CUBN: variants seen among roughly 807,000 people sequenced by gnomAD.
CUBN encodes the protein 460 kDa receptor.
CUBN carries 282 observed loss-of-function variants against 405.3 expected under a neutral mutation model. That is an observed-to-expected ratio of 0.70 (90% CI 0.63 to 0.77). CUBN has a LOEUF of 0.77. Among genes scored for constraint, CUBN ranks in the 30% least tolerant of loss-of-function variants. CUBN has a pLI of 0.00. For missense variants in CUBN, 4,514 were observed against 4,475.2 expected, an observed-to-expected ratio of 1.01 and a Z score of -0.25; for synonymous variants, 1,684 against 1,617.0, an observed-to-expected ratio of 1.04 and a Z score of -0.99.
At chr10:16,849,225 C>T (rs1244653675) in intron 60 of CUBN, among the ~76,000 whole-genome samples, 1 of 152,046 alleles carries the variant, frequency 6.6e-6, no homozygotes, top group East Asian at 1.9e-4. Flanking sequence ...ATCCCCCTGC[C>T]CCTTGACTTC....
chr10:17,098,899 AT>A (rs1213540262), intron 14 of CUBN, among the ~76,000 whole-genome samples: 1 of 152,204 alleles, frequency 6.6e-6, no homozygotes, highest in East Asian at 1.9e-4. Context: ...CATTGCCAGG[AT>A]AAATGAAAAG....
At chr10:17,051,645 C>G (rs1835270406) in intron 22 of CUBN, among the ~76,000 whole-genome samples, 1 of 151,756 alleles carries the variant, frequency 6.6e-6, no homozygotes, top group South Asian at 2.1e-4. Flanking sequence ...TAAAATTACA[C>G]TAATTCAAAT....
intron 62 of CUBN, 91 bp from the exon 63 acceptor site, chr10:16,836,473 G>A: frequency 2.4e-6 from 3 of 1,238,968 alleles, no homozygotes; most frequent in Non-Finnish European, 3.6e-6. Flanking sequence ...AAAGCATGGT[G>A]TAAATATTTA....
intron 14 of CUBN, among the ~76,000 whole-genome samples, chr10:17,097,697 T>C (rs945249440): frequency 6.6e-6 from 1 of 152,160 alleles, no homozygotes; most frequent in South Asian, 2.1e-4. Flanking sequence ...ATTTGATGAA[T>C]GCAAAGTTGA....
Position 17,041,187 on chromosome 10 carries a change from TA to T in CUBN, c.3862del (p.Tyr1288MetfsTer4). On this transcript the variant is annotated frameshift_variant, in exon 27 of 67. Coordinates refer to ENST00000377833, the MANE Select transcript of CUBN (RefSeq NM_001081.4). LOFTEE classifies it high-confidence loss of function. ...ATACCCTATACTCTCTAAGATGCCA[TA>T]GGTTTGATTGACTATTACCACATTC... is the stretch of plus-strand genomic sequence containing the variant. ...CENVVIVNQT[Y>X]GILESIGYPN... The T allele has an allele frequency of 6.2e-7, 1 of 1,613,742 alleles. No individual in the cohort carries two copies. The highest frequency in any genetic ancestry group is 8.5e-7 in the Non-Finnish European group (1 of 1,179,714).
At chr10:16,943,060 C>A (rs908749191) in intron 36 of CUBN, among the ~76,000 whole-genome samples, 1 of 152,168 alleles carries the variant, frequency 6.6e-6, no homozygotes, top group Non-Finnish European at 1.5e-5. Context: ...TAGAGATAAC[C>A]AGCCTGGAGG....
intron 56 of CUBN, among the ~76,000 whole-genome samples, chr10:16,886,648 G>T (rs902363902): frequency 1.2e-4 from 19 of 152,148 alleles, no homozygotes; most frequent in African/African-American, 4.6e-4. Flanking sequence ...CCATTCCCTA[G>T]AGTGGGAGAA....
At chr10:17,123,494 A>C in intron 5 of CUBN, 94 bp downstream of exon 5, 1 of 994,330 alleles carries the variant, frequency 1.0e-6, no homozygotes. Flanking sequence ...GAATCCTAGA[A>C]ACTTTAGATG....
At chr10:17,072,300 A>G (rs555268487) in intron 17 of CUBN, among the ~76,000 whole-genome samples, 1 of 152,326 alleles carries the variant, frequency 6.6e-6, no homozygotes, top group African/African-American at 2.4e-5. Context: ...TTACCTATGA[A>G]AAAATACACG....
At chr10:17,075,593 T>C (rs1398003854) in intron 17 of CUBN, among the ~76,000 whole-genome samples, 1 of 152,148 alleles carries the variant, frequency 6.6e-6, no homozygotes, top group African/African-American at 2.4e-5. Flanking sequence ...TGCTCTATAA[T>C]AACAATAATT....
At chr10:17,111,999 A>C (rs560423166) in intron 8 of CUBN, among the ~76,000 whole-genome samples, 11 of 152,332 alleles carry the variant, frequency 7.2e-5, no homozygotes, top group Middle Eastern at 3.4e-3. Context: ...AAACTCTTGC[A>C]TATGTGCTTG....
At chr10:17,076,170 A>G (rs1835849971) in intron 17 of CUBN, among the ~76,000 whole-genome samples, 1 of 152,170 alleles carries the variant, frequency 6.6e-6, no homozygotes. Flanking sequence ...AATGAAATTC[A>G]AGGATTTTAA....
chr10:16,981,547 C>T (rs1407261807), intron 31 of CUBN, among the ~76,000 whole-genome samples: 1 of 152,212 alleles, frequency 6.6e-6, no homozygotes, highest in Non-Finnish European at 1.5e-5. Flanking sequence ...CTGATTGCAA[C>T]ACATGCCCTT....
intron 28 of CUBN, among the ~76,000 whole-genome samples, chr10:16,998,253 G>C (rs1833788744): frequency 1.3e-5 from 2 of 151,986 alleles, no homozygotes; most frequent in African/African-American, 4.8e-5. Context: ...GTTAAAATGA[G>C]ATCATACTGG....
chr10:16,939,760 A>G (rs1050694293), intron 37 of CUBN, among the ~76,000 whole-genome samples: 1 of 152,208 alleles, frequency 6.6e-6, no homozygotes, highest in Non-Finnish European at 1.5e-5. Context: ...AGACTCTAAC[A>G]CAACGTCATG....
intron 39 of CUBN, among the ~76,000 whole-genome samples, 188 bp from the exon 40 acceptor site, chr10:16,933,472 T>C (rs1361697014): frequency 6.6e-6 from 1 of 152,178 alleles, no homozygotes; most frequent in African/African-American, 2.4e-5. Flanking sequence ...CAATTGATCT[T>C]TGATGTAAAA....
chr10:16,948,844 G>A (rs531688182), intron 34 of CUBN, among the ~76,000 whole-genome samples: 1 of 152,176 alleles, frequency 6.6e-6, no homozygotes, highest in South Asian at 2.1e-4. Context: ...AGAACAATAG[G>A]ACCAGAGGAA....
chr10:17,014,221 G>A (rs1834263521), intron 28 of CUBN, among the ~76,000 whole-genome samples: 1 of 152,202 alleles, frequency 6.6e-6, no homozygotes, highest in Admixed American at 6.5e-5. Flanking sequence ...GCCACTGGTT[G>A]TGGGGTTGTC....
Position 16,869,621 on chromosome 10 carries a change from G to A in CUBN, c.9454+15C>T. On this transcript the variant is annotated intron_variant, in intron 59 of 66. Transcript: ENST00000377833. ...ACAGTCCTGACAAATAGATTTACAA[G>A]TCCAGAATTCTTACCCAATGTCTGC... 6.3e-7 allele frequency: 1 copy of A among 1,575,524 alleles called. No individual in the cohort carries two copies.
Sources: allele counts gnomAD v4.1 joint callset (sites outside exome capture counted in the v4.1 genomes callset), GRCh38; gene constraint gnomAD v4.1.1; transcripts MANE v1.5; gene names NCBI Gene and HGNC (gene_info 2026-07-23, HGNC 2026-07-21).